ARHGEF26: variants seen among roughly 807,000 people sequenced by gnomAD.
The protein encoded by ARHGEF26 is Rho guanine nucleotide exchange factor 26, also known as Rho guanine nucleotide exchange factor (GEF) 26.
ARHGEF26 carries 59 observed loss-of-function variants against 89.4 expected under a neutral mutation model. That is an observed-to-expected ratio of 0.66 (90% CI 0.54 to 0.82). ARHGEF26 has a LOEUF of 0.82. ARHGEF26 is among the 40% of genes least tolerant of loss of function. The probability of loss-of-function intolerance (pLI) is 0.00; values close to 1 mark genes in which losing one functional copy is unlikely to be tolerated. For synonymous variants in ARHGEF26, 500 were observed against 428.4 expected (o/e 1.17, Z -2.06); for missense variants, 1,234 against 1,085.6 (o/e 1.14, Z -1.92).
intron 6 of ARHGEF26, among the ~76,000 whole-genome samples, chr3:154,166,481 G>A (rs1029400369): frequency 3.3e-5 from 5 of 152,186 alleles, no homozygotes; most frequent in Non-Finnish European, 7.3e-5. Context: ...AGATGGAGCA[G>A]AAAGCTTTAT....
At chr3:154,141,658 A>C (rs956932545) in intron 4 of ARHGEF26, among the ~76,000 whole-genome samples, 8 of 152,196 alleles carry the variant, frequency 5.3e-5, no homozygotes, top group African/African-American at 1.4e-4. Flanking sequence ...GATAAGAAAT[A>C]TGTTTTACCT....
In ARHGEF26 at chr3:154,257,124, G is replaced by A. The variant is rs1718573060; in HGVS notation, c.*1651G>A. ...GCCCAGTTGAGGGGTAAGTGTGCCT[G>A]GCTCACACAGCCTGCACCCTGTCAC... On this transcript the variant is annotated 3_prime_UTR_variant, in exon 15 of 15. Coordinates refer to ENST00000465093, the MANE Select transcript of ARHGEF26 (RefSeq NM_015595.4). The A allele has an allele frequency of 1.0e-6, 1 of 955,522 alleles. No individual in the cohort carries two copies. Among genetic ancestry groups the A allele is most frequent in the Non-Finnish European group, 1.5e-6 (1 of 679,462 alleles). 59.2% of individuals were successfully genotyped at this position (955,522 alleles called of 1,614,324 possible).
At chr3:154,249,633 A>C (rs1339397507) in intron 12 of ARHGEF26, among the ~76,000 whole-genome samples, 3 of 152,164 alleles carry the variant, frequency 2.0e-5, no homozygotes, top group African/African-American at 7.2e-5. Context: ...GGTAAAAAGC[A>C]AGGGACTCCA....
At chr3:154,189,016 A>G (rs150062327) in intron 7 of ARHGEF26, among the ~76,000 whole-genome samples, 19 of 152,186 alleles carry the variant, frequency 1.2e-4, no homozygotes, top group African/African-American at 3.6e-4. Context: ...CTCCCCAGAC[A>G]TTGCAGAAGG....
At chr3:154,156,497 A>G (rs1410368193) in intron 6 of ARHGEF26, among the ~76,000 whole-genome samples, 2 of 152,178 alleles carry the variant, frequency 1.3e-5, no homozygotes. Context: ...ATGCTTTAAT[A>G]TGGATATCTG....
At chr3:154,210,937 TC>T (rs1392660639) in intron 9 of ARHGEF26, among the ~76,000 whole-genome samples, 1 of 142,784 alleles carries the variant, frequency 7.0e-6, no homozygotes, top group Non-Finnish European at 1.5e-5. Context: ...ATTAAGTCTG[TC>T]CCCCCACCAA....
In ARHGEF26 at chr3:154,256,084, TAGAA is replaced by T. The variant is rs1251430164; in HGVS notation, c.*614_*617del. 6.1e-6 allele frequency: 6 copies of T among 985,226 alleles called. No homozygotes were observed. The highest frequency in any genetic ancestry group is 7.2e-6 in the Non-Finnish European group (6 of 829,484). 61.0% of individuals were successfully genotyped at this position (985,226 alleles called of 1,614,324 possible). On this transcript the variant is annotated 3_prime_UTR_variant, in exon 15 of 15. Coordinates refer to ENST00000465093, the MANE Select transcript of ARHGEF26 (RefSeq NM_015595.4). ...ACCTTTTTCCTCATTAGAAGGAAAG[TAGAA>T]AGCCTTACTTTAGGATTTTTAAAAA...
At chr3:154,241,571 A>G (rs978456437) in intron 12 of ARHGEF26, among the ~76,000 whole-genome samples, 7 of 152,266 alleles carry the variant, frequency 4.6e-5, no homozygotes, top group Non-Finnish European at 7.3e-5. Context: ...AAAGCGCAGT[A>G]AGCTTCGCAG....
intron 10 of ARHGEF26, 65 bp from the exon 11 acceptor site, chr3:154,225,791 T>A: frequency 3.3e-6 from 5 of 1,512,742 alleles, no homozygotes; most frequent in Non-Finnish European, 4.4e-6. Flanking sequence ...TTTTAGCTTT[T>A]ACTTTCAGTA....
rs1222912352 is a variant in ARHGEF26 at position 154,152,759 on chromosome 3, TC to T, written c.1327-11del. On this transcript the variant is annotated splice_polypyrimidine_tract_variant and intron_variant, in intron 5 of 14. Coordinates refer to ENST00000465093, the MANE Select transcript of ARHGEF26 (RefSeq NM_015595.4). ...AAAGAATTAATAATACATTTCTTTTTCCTTCTTACCAGGCTATCTTTGAAGT... is the reference window on the plus strand; with the variant it reads ...AAAGAATTAATAATACATTTCTTTTTCTTCTTACCAGGCTATCTTTGAAGT... 103 of 1,444,952 alleles carry T rather than the reference TC, an allele frequency of 7.1e-5. No homozygotes were observed. Among genetic ancestry groups the T allele is most frequent in the Non-Finnish European group, 9.2e-5 (101 of 1,096,482 alleles). The allele number at this position is 1,444,952 out of a possible 1,614,324, so 89.5% of individuals were successfully genotyped here.
rs183129577 is a variant in ARHGEF26 at position 154,233,852 on chromosome 3, C to T, written c.2091-6518C>T. 2.6e-5 allele frequency among the ~76,000 whole-genome samples: 4 copies of T among 152,330 alleles called. No homozygotes were observed. The East Asian group carries it at 7.7e-4, about 29-fold the overall frequency. ...CTGAAAAAACGCAGGCAGCTGCTAA[C>T]TCAGGAAACATTTGTTGTGGCACCA... is the stretch of plus-strand genomic sequence containing the variant. On this transcript the variant is annotated intron_variant, in intron 11 of 14. Coordinates refer to ENST00000465093, the MANE Select transcript of ARHGEF26 (RefSeq NM_015595.4).
chr3:154,225,023 A>G (rs931883292), intron 10 of ARHGEF26, among the ~76,000 whole-genome samples: 1 of 151,452 alleles, frequency 6.6e-6, no homozygotes, highest in Non-Finnish European at 1.5e-5. Context: ...AGTCTTTTAA[A>G]TCAGAGTTTT....
At chr3:154,234,932 A>AT (rs1232644803) in intron 11 of ARHGEF26, among the ~76,000 whole-genome samples, 11 of 152,020 alleles carry the variant, frequency 7.2e-5, no homozygotes, top group East Asian at 5.8e-4. Context: ...CGCCCGGCTA[A>AT]TTTTTTGTAT....
At chr3:154,189,126 A>C (rs992167044) in intron 7 of ARHGEF26, among the ~76,000 whole-genome samples, 1 of 152,118 alleles carries the variant, frequency 6.6e-6, no homozygotes, top group African/African-American at 2.4e-5. Flanking sequence ...CTGTTAGAGA[A>C]TGCAAGTTCA....
intron 4 of ARHGEF26, among the ~76,000 whole-genome samples, chr3:154,139,338 A>G (rs1719216182): frequency 6.6e-6 from 1 of 152,144 alleles, no homozygotes; most frequent in South Asian, 2.1e-4. Context: ...GTACTTTTAA[A>G]TATATCATAT....
At chr3:154,189,219 G>A (rs141417017) in intron 7 of ARHGEF26, among the ~76,000 whole-genome samples, 33 of 152,142 alleles carry the variant, frequency 2.2e-4, no homozygotes, top group African/African-American at 7.0e-4. Context: ...ACTAGGTACT[G>A]CTATACATCA....
At chr3:154,201,327 A>G (rs1319336269) in intron 9 of ARHGEF26, among the ~76,000 whole-genome samples, 1 of 152,166 alleles carries the variant, frequency 6.6e-6, no homozygotes, top group Admixed American at 6.6e-5. Flanking sequence ...TACAAAGGAC[A>G]TGAACTCATC....
intron 7 of ARHGEF26, 54 bp from the exon 8 acceptor site, chr3:154,191,235 C>G (rs745315700): frequency 3.9e-6 from 6 of 1,539,256 alleles, no homozygotes; most frequent in Non-Finnish European, 5.3e-6. Flanking sequence ...TTACTTGCTG[C>G]TTAATTTGAG....
At chr3:154,125,386 A>G (rs1718267828) in intron 3 of ARHGEF26, among the ~76,000 whole-genome samples, 1 of 152,214 alleles carries the variant, frequency 6.6e-6, no homozygotes, top group African/African-American at 2.4e-5. Flanking sequence ...AAATCCAGAT[A>G]TAGTATTTAG....
Sources: gnomAD v4.1 joint callset for allele counts (sites outside exome capture counted in the v4.1 genomes callset) on GRCh38, gnomAD v4.1.1 for gene constraint, MANE v1.5 for transcripts, NCBI Gene and HGNC (gene_info 2026-07-23, HGNC 2026-07-21) for gene names.